The following RFC3 variants were observed in gnomAD, a reference collection of about 807,000 sequenced individuals.
RFC3 encodes the protein replication factor C subunit 3, also known as A1 38 kDa subunit.
Under a neutral mutation model 45.1 loss-of-function variants are expected in RFC3, and 41 were observed. The ratio of observed to expected loss-of-function variants is 0.91; its 90% confidence interval spans 0.71 to 1.18. RFC3 has a LOEUF of 1.18. RFC3 is among the 50% of genes most tolerant of loss of function. RFC3 has a pLI of 0.00. For synonymous variants in RFC3, 149 were observed against 144.0 expected, an observed-to-expected ratio of 1.03 and a Z score of -0.25; for missense variants, 423 against 428.1, an observed-to-expected ratio of 0.99 and a Z score of 0.10.
chr13:33,961,368 AATTT>A (rs1424347541), intron 8 of RFC3, among the ~76,000 whole-genome samples: 2 of 152,144 alleles, frequency 1.3e-5, no homozygotes, highest in Non-Finnish European at 2.9e-5. Flanking sequence ...TATGTCTAGT[AATTT>A]ATTTATACAA....
intron 8 of RFC3, among the ~76,000 whole-genome samples, chr13:33,900,665 A>G (rs996331214): frequency 1.3e-5 from 2 of 152,006 alleles, no homozygotes; most frequent in Non-Finnish European, 2.9e-5. Context: ...CAGGCAACCA[A>G]AGCAAAAAAA....
At chr13:33,819,658 C>T (rs1566374411) in intron 1 of RFC3, among the ~76,000 whole-genome samples, 1 of 151,924 alleles carries the variant, frequency 6.6e-6, no homozygotes, top group Middle Eastern at 3.2e-3. Flanking sequence ...TTACATTTTC[C>T]GTCAATAGCT....
chr13:33,975,387 G>A, the RFC3 span, among the ~76,000 whole-genome samples: 1 of 152,196 alleles, frequency 6.6e-6, no homozygotes, highest in Non-Finnish European at 1.5e-5. Flanking sequence ...TTCCATAGGG[G>A]AAAGGAAAAG....
intron 8 of RFC3, among the ~76,000 whole-genome samples, chr13:33,950,403 G>GA (rs1255439273): frequency 1.3e-5 from 2 of 152,028 alleles, no homozygotes; most frequent in African/African-American, 4.8e-5. Flanking sequence ...AATGAAAAAG[G>GA]AAAAAAGTCT....
chr13:33,874,315 G>GT (rs1276066862), intron 8 of RFC3, among the ~76,000 whole-genome samples: 2 of 151,930 alleles, frequency 1.3e-5, no homozygotes, highest in Non-Finnish European at 1.5e-5. Flanking sequence ...CTTTTTGTTT[G>GT]TTTTTTTGTT....
the RFC3 span, among the ~76,000 whole-genome samples, chr13:33,977,346 T>C: frequency 6.6e-6 from 1 of 152,156 alleles, no homozygotes; most frequent in South Asian, 2.1e-4. Flanking sequence ...AACTTTAGTG[T>C]ATTCTGAAAT....
At chr13:33,951,559 G>C (rs1176238605) in intron 8 of RFC3, among the ~76,000 whole-genome samples, 4 of 151,872 alleles carry the variant, frequency 2.6e-5, no homozygotes, top group African/African-American at 9.7e-5. Context: ...TTTAAACCCA[G>C]GGGATTTTGT....
chr13:33,960,627 G>T (rs1175108898), intron 8 of RFC3, among the ~76,000 whole-genome samples: 2 of 152,240 alleles, frequency 1.3e-5, no homozygotes, highest in Non-Finnish European at 1.5e-5. Context: ...CTTCTTGTAG[G>T]TTAACTGTCA....
chr13:33,944,662 T>A (rs1287154675), intron 8 of RFC3, among the ~76,000 whole-genome samples: 1 of 152,092 alleles, frequency 6.6e-6, no homozygotes, highest in Non-Finnish European at 1.5e-5. Context: ...AAAAATACAT[T>A]TAAATCATTT....
At chr13:33,866,730 C>T (rs887884137) in intron 8 of RFC3, among the ~76,000 whole-genome samples, 1 of 151,954 alleles carries the variant, frequency 6.6e-6, no homozygotes, top group Non-Finnish European at 1.5e-5. Flanking sequence ...GTAACTGGGC[C>T]CTGGGAAAAA....
At chr13:33,880,572 T>C (rs9315263) in intron 8 of RFC3, among the ~76,000 whole-genome samples, 16,085 of 152,200 alleles carry the variant, frequency 0.11, 1,684 homozygotes, top group African/African-American at 0.25. Context: ...CTAGTGCAAA[T>C]GGGGAACTGA....
chr13:33,841,735 T>C (rs948153276), downstream of RFC3, among the ~76,000 whole-genome samples: 1 of 152,180 alleles, frequency 6.6e-6, no homozygotes, highest in Non-Finnish European at 1.5e-5. Context: ...GATTATCAGC[T>C]TGTTGTTTTT....
chr13:33,897,281 A>T (rs1407152445), intron 8 of RFC3, among the ~76,000 whole-genome samples: 1 of 151,424 alleles, frequency 6.6e-6, no homozygotes, highest in African/African-American at 2.4e-5. Flanking sequence ...TACATTGTAG[A>T]TTTTTTTTTG....
intron 8 of RFC3, among the ~76,000 whole-genome samples, chr13:33,857,262 C>T (rs533493699): frequency 3.3e-5 from 5 of 152,302 alleles, no homozygotes; most frequent in Middle Eastern, 3.4e-3. Flanking sequence ...TGACATGCTA[C>T]ATTAGACAGT....
chr13:33,905,422 C>CTT (rs72176547), intron 8 of RFC3, among the ~76,000 whole-genome samples: 4 of 148,430 alleles, frequency 2.7e-5, no homozygotes, highest in African/African-American at 1.0e-4. Context: ...CTTGTGTTCT[C>CTT]TTTTTTTTTT....
chr13:33,880,444 G>A (rs1593661279), intron 8 of RFC3, among the ~76,000 whole-genome samples: 1 of 152,094 alleles, frequency 6.6e-6, no homozygotes, highest in Admixed American at 6.5e-5. Flanking sequence ...GTCATTGTGG[G>A]TTGCTCTAGG....
chr13:33,947,259 T>G (rs1038180949), intron 8 of RFC3, among the ~76,000 whole-genome samples: 1 of 152,202 alleles, frequency 6.6e-6, no homozygotes, highest in Non-Finnish European at 1.5e-5. Context: ...TGAGTGAGTC[T>G]CATGAGATCT....
At position 33,837,006 on chromosome 13, in the gene RFC3, CT is replaced by C; in HGVS notation, c.*716del. ...TTTGTGTTTTGTCATTAGCTCTGCC[CT>C]TTTTAATTAAATATTTTGGTTCATG... On this transcript the variant is annotated 3_prime_UTR_variant, in exon 9 of 9. Coordinates refer to ENST00000380071, the MANE Select transcript of RFC3 (RefSeq NM_002915.4). 1 of 984,652 alleles carries C rather than the reference CT, an allele frequency of 1.0e-6. No homozygotes were observed. Among genetic ancestry groups the C allele is most frequent in the South Asian group, 4.7e-5 (1 of 21,254 alleles). The allele number at this position is 984,652 out of a possible 1,614,324, so 61.0% of individuals were successfully genotyped here.
At chr13:33,974,887 C>T in the RFC3 span, among the ~76,000 whole-genome samples, 5 of 151,852 alleles carry the variant, frequency 3.3e-5, no homozygotes, top group Non-Finnish European at 5.9e-5. Flanking sequence ...ACAACAAAAC[C>T]CTGATAATAC....
Sources: gnomAD v4.1 joint callset for allele counts (sites outside exome capture counted in the v4.1 genomes callset) on GRCh38, gnomAD v4.1.1 for gene constraint, MANE v1.5 for transcripts, NCBI Gene and HGNC (gene_info 2026-07-23, HGNC 2026-07-21) for gene names.